NTM: variants seen among roughly 807,000 people sequenced by gnomAD.
NTM encodes IgLON family member 2.
NTM carries 13 observed loss-of-function variants against 42.1 expected under a neutral mutation model. That is an observed-to-expected ratio of 0.31 (90% CI 0.20 to 0.49). NTM has a LOEUF of 0.49. NTM is among the 20% of genes least tolerant of loss of function. The pLI is 0.99. For synonymous variants in NTM, 187 were observed against 179.2 expected, an observed-to-expected ratio of 1.04 and a Z score of -0.35; for missense variants, 373 against 452.8, an observed-to-expected ratio of 0.82 and a Z score of 1.60.
At chr11:132,038,954 A>G (rs1051542052) in intron 2 of NTM, among the ~76,000 whole-genome samples, 42 of 152,102 alleles carry the variant, frequency 2.8e-4, no homozygotes, top group African/African-American at 1.0e-3. Flanking sequence ...TTGTGTTGTA[A>G]ACCTTACTCT....
At chr11:131,994,372 TAGG>T (rs1280384479) in intron 2 of NTM, among the ~76,000 whole-genome samples, 3 of 152,080 alleles carry the variant, frequency 2.0e-5, no homozygotes, top group African/African-American at 7.2e-5. Context: ...AAAAAGATGA[TAGG>T]AGAAAGTGAG....
At chr11:131,505,139 G>A (rs2047332669) in intron 1 of NTM, among the ~76,000 whole-genome samples, 1 of 151,902 alleles carries the variant, frequency 6.6e-6, no homozygotes, top group Non-Finnish European at 1.5e-5. Context: ...TAAGAAATAG[G>A]GGTAATATTA....
At chr11:131,410,910 C>G (rs531124977) in intron 1 of NTM, among the ~76,000 whole-genome samples, 149 of 152,268 alleles carry the variant, frequency 9.8e-4, no homozygotes, top group African/African-American at 3.5e-3. Flanking sequence ...GGTTAAAAGC[C>G]TCCCAGGATG....
intron 4 of NTM, among the ~76,000 whole-genome samples, chr11:132,218,253 A>T (rs1231541342): frequency 6.6e-6 from 1 of 152,176 alleles, no homozygotes; most frequent in African/African-American, 2.4e-5. Context: ...GAGGGCAACC[A>T]CCCAACACCA....
intron 7 of NTM, chr11:132,314,944 A>G: frequency 8.0e-7 from 1 of 1,248,774 alleles, no homozygotes; most frequent in Non-Finnish European, 1.0e-6. Context: ...AAAGTAGTAT[A>G]TGTATAGTAC....
intron 1 of NTM, among the ~76,000 whole-genome samples, chr11:131,497,510 C>G (rs1487570269): frequency 8.3e-6 from 1 of 121,174 alleles, no homozygotes; most frequent in African/African-American, 3.2e-5. Context: ...TTCTAAGAGG[C>G]CCTTTCTGAG....
intron 3 of NTM, among the ~76,000 whole-genome samples, chr11:132,169,320 CTTTTTTTT>C (rs567723794): frequency 8.6e-4 from 28 of 32,370 alleles, no homozygotes; most frequent in East Asian, 5.4e-3. Context: ...AATTTTTTTA[CTTTTTTTT>C]TTTTTTTTTT....
intron 3 of NTM, among the ~76,000 whole-genome samples, chr11:132,176,048 C>T (rs2076761629): frequency 6.6e-6 from 1 of 152,056 alleles, no homozygotes; most frequent in African/African-American, 2.4e-5. Flanking sequence ...CCAATATATG[C>T]TTGACACTAA....
chr11:132,010,754 G>A (rs2071985069), intron 2 of NTM, among the ~76,000 whole-genome samples: 1 of 152,016 alleles, frequency 6.6e-6, no homozygotes, highest in African/African-American at 2.4e-5. Context: ...TCCCTGTAAA[G>A]CGTTTCCACT....
At chr11:132,205,319 A>C (rs1005396480) in intron 3 of NTM, among the ~76,000 whole-genome samples, 1 of 152,222 alleles carries the variant, frequency 6.6e-6, no homozygotes, top group African/African-American at 2.4e-5. Flanking sequence ...ATTTAATAGG[A>C]TATCCACTGT....
intron 1 of NTM, among the ~76,000 whole-genome samples, chr11:131,889,634 C>T (rs2050952364): frequency 1.3e-5 from 2 of 152,154 alleles, no homozygotes; most frequent in Non-Finnish European, 2.9e-5. Flanking sequence ...TCAGTGGAGC[C>T]TGTTTGCCTA....
At position 131,610,805 on chromosome 11, in the gene NTM, T is replaced by C. The variant is rs140438405; in HGVS notation, c.82+239917T>C. On this transcript the variant is annotated intron_variant, in intron 1 of 8. Coordinates refer to ENST00000683400, the MANE Select transcript of NTM (RefSeq NM_001352005.2). ...TGGGAGTGAAACATATGTGGGGATA[T>C]GCTATGAAATGAACGCTGAGGATCC... is the stretch of plus-strand genomic sequence containing the variant. Among the ~76,000 whole-genome samples, 18 of 152,252 alleles carry C rather than the reference T, an allele frequency of 1.2e-4. No homozygotes were observed. In the East Asian group the frequency reaches 3.5e-3, roughly 29 times the overall value.
chr11:132,220,835 C>T (rs2084996919), intron 4 of NTM, among the ~76,000 whole-genome samples: 1 of 152,166 alleles, frequency 6.6e-6, no homozygotes, highest in African/African-American at 2.4e-5. Flanking sequence ...AGAAGCCAAC[C>T]AGCCATAGCT....
At position 132,151,877 on chromosome 11, in the gene NTM, C is replaced by A. The variant is rs562305499; in HGVS notation, c.400+5363C>A. On this transcript the variant is annotated intron_variant, in intron 3 of 8. Transcript: ENST00000683400. ...AGACTAGGGAGACACCCAGCCCAGG[C>A]AGTGACTTGCAAATAATGGAAGTAT... is the stretch of plus-strand genomic sequence containing the variant. 2.7e-4 allele frequency among the ~76,000 whole-genome samples: 41 copies of A among 152,308 alleles called. No individual in the cohort carries two copies. In the South Asian group the frequency reaches 3.3e-3, roughly 12 times the overall value.
chr11:131,619,979 A>G (rs2137638971), intron 1 of NTM, among the ~76,000 whole-genome samples: 1 of 152,064 alleles, frequency 6.6e-6, no homozygotes, highest in Admixed American at 6.6e-5. Context: ...TAATTTTTGT[A>G]TTTTTAGTAG....
At position 131,386,758 on chromosome 11, in the gene NTM, C is replaced by G. The variant is rs540725276; in HGVS notation, c.82+15870C>G. On this transcript the variant is annotated intron_variant, in intron 1 of 8. Transcript: ENST00000683400. The stretch of plus-strand genomic sequence containing the variant: ...ATGGGAGAGACAGCTGATGAGTGAA[C>G]CAGAGAATCCTGTGCAGTATTAATC... Among the ~76,000 whole-genome samples, 27 of 152,312 alleles carry G rather than the reference C, an allele frequency of 1.8e-4. 1 individual carries two copies. The South Asian group carries it at 5.2e-3, about 29-fold the overall frequency.
At chr11:132,330,731 C>T (rs150197944) in intron 8 of NTM, among the ~76,000 whole-genome samples, 5 of 152,256 alleles carry the variant, frequency 3.3e-5, no homozygotes, top group Non-Finnish European at 5.9e-5. Flanking sequence ...CACTCATCAC[C>T]GTTCTCTGGG....
intron 2 of NTM, among the ~76,000 whole-genome samples, chr11:131,986,523 A>G (rs1010375278): frequency 6.6e-6 from 1 of 152,238 alleles, no homozygotes; most frequent in Non-Finnish European, 1.5e-5. Flanking sequence ...GTATCATGTC[A>G]TGAAATATGT....
chr11:132,031,951 T>G (rs1352556717), intron 2 of NTM, among the ~76,000 whole-genome samples: 8 of 152,190 alleles, frequency 5.3e-5, no homozygotes, highest in African/African-American at 1.4e-4. Context: ...TCTCTATCTC[T>G]GTGTTTCATT....
Sources: allele counts gnomAD v4.1 joint callset (sites outside exome capture counted in the v4.1 genomes callset), GRCh38; gene constraint gnomAD v4.1.1; transcripts MANE v1.5; gene names NCBI Gene and HGNC (gene_info 2026-07-23, HGNC 2026-07-21).